The following GALNT7 variants were observed in gnomAD, a reference collection of about 807,000 sequenced individuals.
GALNT7 encodes the protein N-acetylgalactosaminyltransferase 7.
In GALNT7, 60 loss-of-function variants were observed where a neutral mutation model predicts 82.1. That is an observed-to-expected ratio of 0.73 (90% CI 0.59 to 0.91). The LOEUF (loss-of-function observed/expected upper bound fraction) is 0.91. Among genes scored for constraint, GALNT7 ranks in the 40% least tolerant of loss-of-function variants. GALNT7 has a pLI of 0.00. For missense variants in GALNT7, 660 were observed against 804.2 expected, an observed-to-expected ratio of 0.82 and a Z score of 2.17; for synonymous variants, 243 against 275.1, an observed-to-expected ratio of 0.88 and a Z score of 1.15.
rs188035361 is a variant in GALNT7, at chr4:173,197,237, C to T, written c.126+28276C>T. On this transcript the variant is annotated intron_variant, in intron 1 of 11. Transcript: ENST00000265000. ...TTCTTTTTCTTAAGCAAAATAGTGA[C>T]GCTCTGCAGGATTTCTATAACTGAA... Among the ~76,000 whole-genome samples, 36 of 152,076 alleles carry T rather than the reference C, an allele frequency of 2.4e-4. No individual in the cohort carries two copies. The East Asian group carries it at 3.1e-3, about 13-fold the overall frequency.
intron 1 of GALNT7, among the ~76,000 whole-genome samples, chr4:173,193,797 T>G (rs1732694843): frequency 6.6e-6 from 1 of 152,172 alleles, no homozygotes; most frequent in Non-Finnish European, 1.5e-5. Context: ...ATTTTTAATA[T>G]CCTTTCTAAA....
chr4:173,169,052 C>T, intron 1 of GALNT7, 91 bp downstream of exon 1: 2 of 1,338,542 alleles, frequency 1.5e-6, no homozygotes, highest in Non-Finnish European at 2.1e-6. Context: ...GGCGGGGTCG[C>T]GGCACGGCGT....
chr4:173,282,224 A>T (rs1042970738), intron 2 of GALNT7, among the ~76,000 whole-genome samples: 1 of 152,110 alleles, frequency 6.6e-6, no homozygotes, highest in African/African-American at 2.4e-5. Context: ...TCTTTTCTGT[A>T]TAACTGTGGG....
At chr4:173,257,883 A>G (rs1016354517) in intron 2 of GALNT7, among the ~76,000 whole-genome samples, 6 of 152,200 alleles carry the variant, frequency 3.9e-5, no homozygotes, top group Non-Finnish European at 8.8e-5. Flanking sequence ...TTTAAAGGAA[A>G]GTGTTGTAGT....
chr4:173,173,683 C>G (rs76342102), intron 1 of GALNT7, among the ~76,000 whole-genome samples: 6,393 of 152,160 alleles, frequency 0.042, 167 homozygotes, highest in Non-Finnish European at 0.063. Context: ...GTTGGGGACC[C>G]CTGCATTAAA....
In GALNT7 at chr4:173,323,838, T is replaced by A. The variant is rs1304081435; in HGVS notation, c.*2121T>A. ...TTGATTTATGCAGATTTTGATACAC[T>A]GTATGTTTCTGTAGAAATTGTATAA... On this transcript the variant is annotated 3_prime_UTR_variant, in exon 12 of 12. Transcript: ENST00000265000. 2 of 152,624 alleles carry A rather than the reference T, an allele frequency of 1.3e-5. No individual in the cohort carries two copies. The highest frequency in any genetic ancestry group is 4.8e-5 in the African/African-American group (2 of 41,452). The allele number at this position is 152,624 out of a possible 1,614,324, so 9.5% of individuals were successfully genotyped here. A position where few individuals can be genotyped will look rare whatever the true frequency, so the allele number is the denominator to read the frequency against.
intron 2 of GALNT7, among the ~76,000 whole-genome samples, chr4:173,265,204 C>T (rs1735435677): frequency 6.6e-6 from 1 of 152,178 alleles, no homozygotes; most frequent in African/African-American, 2.4e-5. Flanking sequence ...TTGCCAAGCT[C>T]AACCATGCTA....
Position 173,266,441 on chromosome 4 carries a change from C to T in GALNT7, c.587+18001C>T, listed in dbSNP as rs1028450566. ...ATGAATCCAGGTCTTCTAGGACCGA[C>T]CTTTCACTATACCAGACAAAAGAGC... On this transcript the variant is annotated intron_variant, in intron 2 of 11. Coordinates refer to ENST00000265000, the MANE Select transcript of GALNT7 (RefSeq NM_017423.3). Among the ~76,000 whole-genome samples, 7 of 152,290 alleles carry T rather than the reference C, an allele frequency of 4.6e-5. 1 individual carries two copies. Among genetic ancestry groups the T allele is most frequent in the Admixed American group, 3.9e-4 (6 of 15,292 alleles).
intron 2 of GALNT7, among the ~76,000 whole-genome samples, chr4:173,256,860 C>A (rs1324740155): frequency 6.6e-6 from 1 of 152,142 alleles, no homozygotes; most frequent in South Asian, 2.1e-4. Context: ...TAAACCAACA[C>A]TTATATAGAA....
chr4:173,170,140 G>A (rs1731809931), intron 1 of GALNT7, among the ~76,000 whole-genome samples: 1 of 152,162 alleles, frequency 6.6e-6, no homozygotes, highest in Non-Finnish European at 1.5e-5. Context: ...CTTCCCCCCG[G>A]ATGAACCGTT....
intron 2 of GALNT7, among the ~76,000 whole-genome samples, chr4:173,272,170 T>C (rs1409473430): frequency 6.6e-6 from 1 of 152,218 alleles, no homozygotes; most frequent in African/African-American, 2.4e-5. Context: ...CCCTCACTGC[T>C]TCCACTTCAT....
At chr4:173,277,514 G>T (rs375178028) in intron 2 of GALNT7, among the ~76,000 whole-genome samples, 6 of 152,186 alleles carry the variant, frequency 3.9e-5, no homozygotes, top group Non-Finnish European at 8.8e-5. Flanking sequence ...TCTCAAACAG[G>T]TGTGCACTCT....
chr4:173,320,540 T>C lies in GALNT7; in HGVS notation c.1837-1040T>C, dbSNP rs1737772421. Among the ~76,000 whole-genome samples, 1 of 152,160 alleles carries C rather than the reference T, an allele frequency of 6.6e-6. No homozygotes were observed. Among genetic ancestry groups the C allele is most frequent in the Non-Finnish European group, 1.5e-5 (1 of 68,022 alleles). On this transcript the variant is annotated intron_variant, in intron 11 of 11. Transcript: ENST00000265000. This position sits in a 1 kb window ranked among gnomAD's most constrained non-coding sequence, Gnocchi z 4.1. ...CATACTCCTGCTTCATTTGGTCTGA[T>C]CTGAAATGTTGTTTTCGTTCAAGTA...
At chr4:173,247,508 G>A (rs577075502) in intron 1 of GALNT7, among the ~76,000 whole-genome samples, 3 of 152,004 alleles carry the variant, frequency 2.0e-5, no homozygotes, top group Non-Finnish European at 4.4e-5. Context: ...CACTGAGCCA[G>A]CCTGCTGACA....
At chr4:173,272,962 T>A (rs373936850) in intron 2 of GALNT7, among the ~76,000 whole-genome samples, 1 of 152,218 alleles carries the variant, frequency 6.6e-6, no homozygotes, top group African/African-American at 2.4e-5. Context: ...ACTATCAATG[T>A]TTAAGACTTC....
At chr4:173,273,975 A>T (rs1335643291) in intron 2 of GALNT7, among the ~76,000 whole-genome samples, 1 of 152,186 alleles carries the variant, frequency 6.6e-6, no homozygotes, top group Non-Finnish European at 1.5e-5. Context: ...CAGCTCAAAT[A>T]TATTGGTGTT....
At chr4:173,245,060 C>G (rs1190444473) in intron 1 of GALNT7, among the ~76,000 whole-genome samples, 1 of 151,894 alleles carries the variant, frequency 6.6e-6, no homozygotes, top group African/African-American at 2.4e-5. Context: ...GTGATACGGG[C>G]TGGGGAAATG....
At chr4:173,181,961 C>G (rs566300852) in intron 1 of GALNT7, among the ~76,000 whole-genome samples, 14 of 152,274 alleles carry the variant, frequency 9.2e-5, no homozygotes, top group Admixed American at 3.3e-4. Flanking sequence ...TGAATCACAG[C>G]CAGAGAGTCT....
At chr4:173,307,582 G>A (rs180989517) in intron 8 of GALNT7, among the ~76,000 whole-genome samples, 1 of 152,314 alleles carries the variant, frequency 6.6e-6, no homozygotes, top group African/African-American at 2.4e-5. Flanking sequence ...AAGGAAAGGA[G>A]CAGAAGCATG....
Sources: allele counts gnomAD v4.1 joint callset (sites outside exome capture counted in the v4.1 genomes callset), GRCh38; gene constraint gnomAD v4.1.1; non-coding constraint Gnocchi (gnomAD v3.1); transcripts MANE v1.5; gene names NCBI Gene and HGNC (gene_info 2026-07-23, HGNC 2026-07-21).